EYS: variants seen among roughly 807,000 people sequenced by gnomAD.
EYS encodes EGF-like photoreceptor maintenance factor.
EYS carries 250 observed loss-of-function variants against 282.1 expected under a neutral mutation model. That is an observed-to-expected ratio of 0.89 (90% confidence interval 0.80 to 0.98). EYS has a LOEUF of 0.98. EYS is among the 50% of genes least tolerant of loss of function. The probability of loss-of-function intolerance (pLI) is 0.00; values close to 1 mark genes in which losing one functional copy is unlikely to be tolerated. For synonymous variants in EYS, 1,355 were observed against 1,282.9 expected, an observed-to-expected ratio of 1.06 and a Z score of -1.20; for missense variants, 4,016 against 3,709.0, an observed-to-expected ratio of 1.08 and a Z score of -2.15.
At position 65,605,314 on chromosome 6, in the gene EYS, T is replaced by C. The variant is rs190383981; in HGVS notation, c.-333+34464A>G. Among the ~76,000 whole-genome samples, 7 of 146,584 alleles carry C rather than the reference T, an allele frequency of 4.8e-5. No individual in the cohort carries two copies. In the South Asian group the frequency reaches 6.6e-4, roughly 14 times the overall value. On this transcript the variant is annotated intron_variant, in intron 2 of 42. Coordinates refer to ENST00000503581, the MANE Select transcript of EYS (RefSeq NM_001142800.2). ...AAGTGAAAAAAATGAAAATAATGCA[T>C]AACTTCATTGTCGATCACATTTATA...
intron 13 of EYS, among the ~76,000 whole-genome samples, chr6:64,999,851 A>G (rs1051836257): frequency 2.6e-5 from 4 of 151,918 alleles, no homozygotes; most frequent in African/African-American, 7.3e-5. Flanking sequence ...GAGCACCCCA[A>G]CTCCAAGGGA....
rs951188480 is a variant in EYS, at chr6:65,532,242, A to G, written c.-332-36249T>C. Reference sequence around the variant, plus strand: ...AAAACAAAAATCTAAGATTATAACCAGTATTATACCTCTACATGTAAGAAA... The same window carrying G: ...AAAACAAAAATCTAAGATTATAACCGGTATTATACCTCTACATGTAAGAAA... On this transcript the variant is annotated intron_variant, in intron 2 of 42. Transcript: ENST00000503581. 3.4e-4 allele frequency among the ~76,000 whole-genome samples: 51 copies of G among 152,150 alleles called. 1 individual carries two copies. The highest frequency in any genetic ancestry group is 1.0e-3 in the African/African-American group (43 of 41,444).
intron 11 of EYS, among the ~76,000 whole-genome samples, chr6:65,327,063 G>C (rs775580109): frequency 6.6e-6 from 1 of 151,154 alleles, no homozygotes; most frequent in Non-Finnish European, 1.5e-5. Flanking sequence ...ATACTTTCAG[G>C]AGCCTAAATT....
chr6:64,571,454 C>T (rs1007404578), intron 26 of EYS, among the ~76,000 whole-genome samples: 5 of 151,902 alleles, frequency 3.3e-5, no homozygotes, highest in East Asian at 3.9e-4. Context: ...ATTTGAGACA[C>T]GAAAAACCTT....
chr6:65,052,321 T>G (rs1281370130), intron 13 of EYS, among the ~76,000 whole-genome samples: 4 of 151,548 alleles, frequency 2.6e-5, no homozygotes, highest in African/African-American at 9.7e-5. Context: ...AATTTATACT[T>G]TGAGGCAGTA....
intron 35 of EYS, among the ~76,000 whole-genome samples, chr6:63,901,109 TA>T (rs1773647916): frequency 6.6e-6 from 1 of 151,844 alleles, no homozygotes; most frequent in Non-Finnish European, 1.5e-5. Context: ...CTGTTATAAG[TA>T]TGTCCAAATA....
At chr6:64,309,467 T>A (rs1407253032) in intron 29 of EYS, among the ~76,000 whole-genome samples, 1 of 152,250 alleles carries the variant, frequency 6.6e-6, no homozygotes, top group African/African-American at 2.4e-5. Flanking sequence ...TCATTTCTTA[T>A]GTTTTAATAG....
chr6:64,701,975 T>C (rs1286947852), intron 22 of EYS, among the ~76,000 whole-genome samples: 4 of 152,044 alleles, frequency 2.6e-5, no homozygotes, highest in African/African-American at 9.7e-5. Context: ...GCATATTATG[T>C]GTTAACTATT....
chr6:65,687,918 A>C (rs953164141), intron 1 of EYS, among the ~76,000 whole-genome samples: 3 of 152,042 alleles, frequency 2.0e-5, no homozygotes, highest in African/African-American at 4.8e-5. Flanking sequence ...AACCACTGCT[A>C]GATGAAATAA....
intron 19 of EYS, among the ~76,000 whole-genome samples, chr6:64,824,606 G>A (rs1013367863): frequency 1.3e-5 from 2 of 151,874 alleles, no homozygotes; most frequent in African/African-American, 4.8e-5. Context: ...TGCTGGCAGA[G>A]TCAGTGCTGA....
intron 1 of EYS, among the ~76,000 whole-genome samples, chr6:65,686,577 G>A (rs567319486): frequency 6.6e-6 from 1 of 152,114 alleles, no homozygotes; most frequent in Admixed American, 6.6e-5. Flanking sequence ...ACACATAAAT[G>A]GGGAGAACAG....
rs1333822401 is a variant in EYS at position 65,108,082 on chromosome 6, C to CATTTACAATGCTA, written c.2024-50368_2024-50356dup. 1.3e-4 allele frequency among the ~76,000 whole-genome samples: 19 copies of CATTTACAATGCTA among 151,988 alleles called. No homozygotes were observed. The East Asian group carries it at 1.4e-3, about 11-fold the overall frequency. On this transcript the variant is annotated intron_variant, in intron 12 of 42. Coordinates refer to ENST00000503581, the MANE Select transcript of EYS (RefSeq NM_001142800.2). ...TATTTTGCATTTACTAGATAATTAG[C>CATTTACAATGCTA]ATTTACAATGCTAGTCTTTCTTTAC... is the stretch of plus-strand genomic sequence containing the variant.
intron 12 of EYS, among the ~76,000 whole-genome samples, chr6:65,174,435 A>G (rs1463301202): frequency 6.6e-6 from 1 of 151,346 alleles, no homozygotes; most frequent in Non-Finnish European, 1.5e-5. Context: ...TTGCCATTAG[A>G]CTTTAACATT....
At chr6:65,042,945 C>A (rs553732282) in intron 13 of EYS, among the ~76,000 whole-genome samples, 11 of 151,234 alleles carry the variant, frequency 7.3e-5, no homozygotes, top group African/African-American at 2.7e-4. Flanking sequence ...GCACTGGCCT[C>A]GGTTATGTCT....
intron 30 of EYS, among the ~76,000 whole-genome samples, chr6:64,283,274 G>C (rs183747712): frequency 1.8e-4 from 28 of 152,178 alleles, no homozygotes; most frequent in African/African-American, 6.7e-4. Context: ...AACTAACATA[G>C]TTAATTAGGC....
At chr6:64,289,277 T>C (rs138528890) in intron 30 of EYS, among the ~76,000 whole-genome samples, 1 of 152,064 alleles carries the variant, frequency 6.6e-6, no homozygotes, top group East Asian at 1.9e-4. Flanking sequence ...AGTTCAGGCA[T>C]TCCTTCTTTT....
At chr6:65,456,299 A>G (rs1357656264) in intron 5 of EYS, among the ~76,000 whole-genome samples, 1 of 151,952 alleles carries the variant, frequency 6.6e-6, no homozygotes, top group Non-Finnish European at 1.5e-5. Flanking sequence ...AAAAAATACA[A>G]AAATTAGCTG....
chr6:64,436,281 A>G lies in EYS; in HGVS notation c.5836-16T>C. 6.8e-7 allele frequency: 1 copy of G among 1,464,452 alleles called. No homozygotes were observed. Among genetic ancestry groups the G allele is most frequent in the Non-Finnish European group, 9.3e-7 (1 of 1,075,086 alleles). The allele number at this position is 1,464,452 out of a possible 1,614,324, so 90.7% of individuals were successfully genotyped here. ...AAAAGTGGTACTGTTGGGGGAAAAA[A>G]TTTTGTCCTCAAACAGTTTTTCAGC... On this transcript the variant is annotated splice_polypyrimidine_tract_variant and intron_variant, in intron 27 of 42. Transcript: ENST00000503581.
At position 64,682,959 on chromosome 6, in the gene EYS, C is replaced by T. The variant is rs7768669; in HGVS notation, c.3444-56714G>A. Among the ~76,000 whole-genome samples, 1,067 of 152,196 alleles carry T rather than the reference C, an allele frequency of 7.0e-3. 11 individuals carry two copies. Among genetic ancestry groups the T allele is most frequent in the African/African-American group, 0.024 (1,002 of 41,520 alleles). On this transcript the variant is annotated intron_variant, in intron 22 of 42. Transcript: ENST00000503581. ...GCCAGTAACTCGGATACCTAACACC[C>T]CTAAGAAAAATCTTTACCCAGCTCC...
Sources: gnomAD v4.1 joint callset for allele counts (sites outside exome capture counted in the v4.1 genomes callset) on GRCh38, gnomAD v4.1.1 for gene constraint, MANE v1.5 for transcripts, NCBI Gene and HGNC (gene_info 2026-07-23, HGNC 2026-07-21) for gene names.